PCDH9: variants seen among roughly 807,000 people sequenced by gnomAD.
PCDH9 encodes the protein protocadherin 9.
In PCDH9, 24 loss-of-function variants were observed where a neutral mutation model predicts 70.6. That is an observed-to-expected ratio of 0.34 (90% CI 0.25 to 0.48). PCDH9 has a LOEUF of 0.48. PCDH9 is among the 20% of genes least tolerant of loss of function. The probability of loss-of-function intolerance (pLI) is 0.99; values close to 1 mark genes in which losing one functional copy is unlikely to be tolerated. For missense variants in PCDH9, 1,281 were observed against 1,503.6 expected, an observed-to-expected ratio of 0.85 and a Z score of 2.45; for synonymous variants, 562 against 558.5, an observed-to-expected ratio of 1.01 and a Z score of -0.09.
chr13:67,226,296 A>G lies in PCDH9; in HGVS notation c.2145T>C (p.Tyr715=), dbSNP rs1455879086. The G allele has an allele frequency of 6.2e-7, 1 of 1,614,150 alleles. No homozygotes were observed. The highest frequency in any genetic ancestry group is 1.1e-5 in the South Asian group (1 of 91,084). Residue 715 remains tyrosine, a synonymous_variant, in exon 2 of 5, where the codon TAT becomes TAC. Coordinates refer to ENST00000377865, the MANE Select transcript of PCDH9 (RefSeq NM_203487.3). The surrounding 1 kb of genome is among the most constrained non-coding windows in gnomAD (Gnocchi z 5.0). The part of the protein sequence containing the change: ...VDTGMNAELK[Y]TIVSGNNKGL... ...CTTTATTGTTTCCACTCACTATAGTATACTTTAGTTCAGCGTTCATTCCAG... is the reference window on the plus strand; with the variant it reads ...CTTTATTGTTTCCACTCACTATAGTGTACTTTAGTTCAGCGTTCATTCCAG...
rs142963002 is a variant in PCDH9 at position 66,707,214 on chromosome 13, T to C, written c.3139-75803A>G. ...GTAGCAATAACATGGTCTAGGAACCTAAGCAGTTGCCATTTAACATAGGTA... is the reference window on the plus strand; with the variant it reads ...GTAGCAATAACATGGTCTAGGAACCCAAGCAGTTGCCATTTAACATAGGTA... On this transcript the variant is annotated intron_variant, in intron 3 of 4. Coordinates refer to ENST00000377865, the MANE Select transcript of PCDH9 (RefSeq NM_203487.3). Among the ~76,000 whole-genome samples the C allele has an allele frequency of 1.2e-3, 185 of 152,334 alleles. No homozygotes were observed. The Middle Eastern group carries it at 0.014, about 11-fold the overall frequency.
At chr13:66,394,537 A>G (rs749366966) in intron 4 of PCDH9, among the ~76,000 whole-genome samples, 1 of 152,196 alleles carries the variant, frequency 6.6e-6, no homozygotes, top group Non-Finnish European at 1.5e-5. Context: ...ACAATTAAGT[A>G]TGCTTATTTA....
At chr13:66,463,078 T>C (rs1958453839) in intron 4 of PCDH9, among the ~76,000 whole-genome samples, 1 of 151,818 alleles carries the variant, frequency 6.6e-6, no homozygotes, top group South Asian at 2.1e-4. Context: ...ATATACATGA[T>C]GCAAACTAAC....
intron 3 of PCDH9, among the ~76,000 whole-genome samples, chr13:66,848,098 A>G (rs2081244996): frequency 6.6e-6 from 1 of 152,180 alleles, no homozygotes; most frequent in African/African-American, 2.4e-5. Context: ...ATTTCAGCGT[A>G]TCTCCTATAT....
intron 3 of PCDH9, among the ~76,000 whole-genome samples, chr13:66,770,697 G>A (rs572787841): frequency 6.6e-6 from 1 of 152,134 alleles, no homozygotes; most frequent in African/African-American, 2.4e-5. Context: ...CTCCAACAAA[G>A]GCTATAGCTC....
At chr13:66,553,439 C>T (rs1961586509) in intron 4 of PCDH9, among the ~76,000 whole-genome samples, 1 of 151,988 alleles carries the variant, frequency 6.6e-6, no homozygotes, top group African/African-American at 2.4e-5. Context: ...ACATATATAC[C>T]ATATGTACTA....
chr13:66,764,223 C>T (rs1032640225), intron 3 of PCDH9, among the ~76,000 whole-genome samples: 1 of 149,976 alleles, frequency 6.7e-6, no homozygotes, highest in Non-Finnish European at 1.5e-5. Context: ...TGATCACACA[C>T]AAACACATAC....
chr13:66,766,229 A>C (rs1296888492), intron 3 of PCDH9, among the ~76,000 whole-genome samples: 2 of 151,848 alleles, frequency 1.3e-5, no homozygotes, highest in Admixed American at 6.6e-5. Context: ...AGATTTTGAC[A>C]AGAGTAGACA....
At chr13:66,995,713 T>C (rs560234789) in intron 2 of PCDH9, among the ~76,000 whole-genome samples, 1 of 152,320 alleles carries the variant, frequency 6.6e-6, no homozygotes, top group South Asian at 2.1e-4. Flanking sequence ...TTTTCTTCTT[T>C]CAGGCAAACC....
At chr13:66,887,034 A>AAC (rs9317623) in intron 3 of PCDH9, among the ~76,000 whole-genome samples, 3,137 of 143,898 alleles carry the variant, frequency 0.022, 38 homozygotes, top group Middle Eastern at 0.049. Flanking sequence ...CAAATATAAT[A>AAC]ACACACACAC....
At chr13:66,656,601 T>C (rs1340348485) in intron 3 of PCDH9, among the ~76,000 whole-genome samples, 1 of 150,094 alleles carries the variant, frequency 6.7e-6, no homozygotes, top group Non-Finnish European at 1.5e-5. Flanking sequence ...AAGGTACACA[T>C]GTTGCTTAAG....
At chr13:66,535,579 G>T (rs890789850) in intron 4 of PCDH9, among the ~76,000 whole-genome samples, 2 of 152,048 alleles carry the variant, frequency 1.3e-5, no homozygotes, top group African/African-American at 4.8e-5. Context: ...GTATCAATTT[G>T]TTTTGAATTG....
At chr13:66,767,810 T>A (rs925841851) in intron 3 of PCDH9, among the ~76,000 whole-genome samples, 3 of 152,102 alleles carry the variant, frequency 2.0e-5, no homozygotes, top group Non-Finnish European at 2.9e-5. Flanking sequence ...AAAATCCTTT[T>A]TCCTCTTCCC....
rs146294642 is a variant in PCDH9 at position 66,307,272 on chromosome 13, G to C, written c.3341-2244C>G. Among the ~76,000 whole-genome samples, 492 of 151,898 alleles carry C rather than the reference G, an allele frequency of 3.2e-3. 3 individuals carry two copies. The highest frequency in any genetic ancestry group is 0.011 in the African/African-American group (473 of 41,444). Reference sequence around the variant, plus strand: ...ATTGATGGAAAAAAAATGGCACATCGGTCTTCTGATTCTTCACAGTGCTAA... The same window carrying C: ...ATTGATGGAAAAAAAATGGCACATCCGTCTTCTGATTCTTCACAGTGCTAA... On this transcript the variant is annotated intron_variant, in intron 4 of 4. Coordinates refer to ENST00000377865, the MANE Select transcript of PCDH9 (RefSeq NM_203487.3).
At chr13:66,934,912 G>C (rs1041755193) in intron 2 of PCDH9, among the ~76,000 whole-genome samples, 135 of 149,656 alleles carry the variant, frequency 9.0e-4, no homozygotes, top group African/African-American at 3.2e-3. Context: ...AGTAGAGACG[G>C]GGTTTCACCG....
chr13:66,641,545 G>C (rs1343677697), intron 3 of PCDH9, among the ~76,000 whole-genome samples: 3 of 152,252 alleles, frequency 2.0e-5, no homozygotes, highest in East Asian at 1.9e-4. Flanking sequence ...TCTCCTCCAG[G>C]CTCTACTAAA....
intron 2 of PCDH9, among the ~76,000 whole-genome samples, chr13:67,193,053 C>A (rs2088960632): frequency 6.6e-6 from 1 of 152,066 alleles, no homozygotes; most frequent in Non-Finnish European, 1.5e-5. Flanking sequence ...AAATATGTAT[C>A]TGAAATCCCT....
chr13:66,506,686 T>C (rs1242509419), intron 4 of PCDH9, among the ~76,000 whole-genome samples: 1 of 152,202 alleles, frequency 6.6e-6, no homozygotes, highest in Non-Finnish European at 1.5e-5. Flanking sequence ...CGCTACACAC[T>C]AAGAAAGCTT....
chr13:66,606,370 T>G (rs2077222870), intron 4 of PCDH9, among the ~76,000 whole-genome samples: 1 of 152,110 alleles, frequency 6.6e-6, no homozygotes, highest in Non-Finnish European at 1.5e-5. Flanking sequence ...AAGCTTCTCA[T>G]GAATCCTCCA....
Sources: gnomAD v4.1 joint callset for allele counts (sites outside exome capture counted in the v4.1 genomes callset) on GRCh38, gnomAD v4.1.1 for gene constraint, Gnocchi (gnomAD v3.1) non-coding constraint, MANE v1.5 for transcripts, NCBI Gene and HGNC (gene_info 2026-07-23, HGNC 2026-07-21) for gene names.